Variants in ELOVL5 observed in about 807,000 individuals in gnomAD.
ELOVL5 encodes very long chain fatty acid elongase 5.
ELOVL5 carries 8 observed loss-of-function variants against 38.6 expected under a neutral mutation model. The observed-to-expected ratio is 0.21, with a 90% CI of 0.12 to 0.37. The LOEUF is 0.37. Ranked by LOEUF, ELOVL5 falls within the 10% of genes least tolerant of loss-of-function variation. The pLI is 1.00. For synonymous variants in ELOVL5, 127 were observed against 133.7 expected (o/e 0.95, Z 0.34); for missense variants, 280 against 367.8 (o/e 0.76, Z 1.95).
intron 5 of ELOVL5, among the ~76,000 whole-genome samples, chr6:53,273,561 G>A (rs988626043): frequency 6.6e-6 from 1 of 152,206 alleles, no homozygotes; most frequent in African/African-American, 2.4e-5. Flanking sequence ...CGAGCCCAGG[G>A]GTCAGCTGTA....
intron 4 of ELOVL5, among the ~76,000 whole-genome samples, chr6:53,275,955 G>T (rs941281477): frequency 6.6e-6 from 1 of 152,142 alleles, no homozygotes; most frequent in Admixed American, 6.5e-5. Context: ...CCTGCCAATT[G>T]TTAACCGGAG....
At chr6:53,276,405 A>T (rs1766127708) in intron 3 of ELOVL5, 149 bp from the exon 4 acceptor site, 1 of 617,296 alleles carries the variant, frequency 1.6e-6, no homozygotes, top group African/African-American at 1.9e-5. Flanking sequence ...AGGCAAGTGT[A>T]AACAAAAGGA....
At chr6:53,286,784 A>G (rs1561868268) in intron 3 of ELOVL5, among the ~76,000 whole-genome samples, 2 of 152,192 alleles carry the variant, frequency 1.3e-5, no homozygotes, top group African/African-American at 4.8e-5. Flanking sequence ...CTATTTGAAA[A>G]AGAGTTTAAT....
At chr6:53,309,739 C>G (rs994785383) in intron 1 of ELOVL5, among the ~76,000 whole-genome samples, 2 of 152,178 alleles carry the variant, frequency 1.3e-5, no homozygotes, top group Non-Finnish European at 2.9e-5. Flanking sequence ...GGACCACTAG[C>G]TCTGGGGGAA....
At chr6:53,297,876 G>A (rs1183751267) in intron 1 of ELOVL5, among the ~76,000 whole-genome samples, 1 of 152,160 alleles carries the variant, frequency 6.6e-6, no homozygotes, top group African/African-American at 2.4e-5. Context: ...GGAGAGACAA[G>A]AAATTCTAGA....
At chr6:53,330,921 G>A (rs1375559871) in intron 1 of ELOVL5, among the ~76,000 whole-genome samples, 1 of 152,008 alleles carries the variant, frequency 6.6e-6, no homozygotes, top group Non-Finnish European at 1.5e-5. Flanking sequence ...TTGTCCCACT[G>A]GAAGGCCTTC....
intron 1 of ELOVL5, among the ~76,000 whole-genome samples, chr6:53,323,348 G>C (rs1009301905): frequency 6.6e-6 from 1 of 152,126 alleles, no homozygotes; most frequent in Non-Finnish European, 1.5e-5. Flanking sequence ...ACGTTTATGT[G>C]ACACTTAATT....
chr6:53,287,885 G>A lies in ELOVL5; in HGVS notation c.246+3891C>T, dbSNP rs150583340. ...ACCCTGTTTTCTGGCAGCTGCTGCT[G>A]AGTCGAAGGATCAGTTCGTGAGGCA... On this transcript the variant is annotated intron_variant, in intron 3 of 7. Coordinates refer to ENST00000304434, the MANE Select transcript of ELOVL5 (RefSeq NM_021814.5). 16,798 of 1,535,682 alleles carry A rather than the reference G, an allele frequency of 0.011. 115 individuals are homozygous for A. Among genetic ancestry groups the A allele is most frequent in the Non-Finnish European group, 0.013 (15,136 of 1,146,872 alleles).
chr6:53,284,651 G>A (rs1766495256), intron 3 of ELOVL5, among the ~76,000 whole-genome samples: 2 of 152,076 alleles, frequency 1.3e-5, no homozygotes, highest in Admixed American at 1.3e-4. Context: ...TATATTACAG[G>A]TTTTCTTAAC....
chr6:53,299,957 A>G (rs1319491204), intron 1 of ELOVL5, among the ~76,000 whole-genome samples: 1 of 152,186 alleles, frequency 6.6e-6, no homozygotes, highest in Non-Finnish European at 1.5e-5. Context: ...CATGTGGGGA[A>G]ATGATAATAA....
At chr6:53,278,669 G>C (rs568415627) in intron 3 of ELOVL5, among the ~76,000 whole-genome samples, 4 of 152,042 alleles carry the variant, frequency 2.6e-5, no homozygotes, top group Non-Finnish European at 5.9e-5. Flanking sequence ...CACACAAGAA[G>C]CTGCTCACTC....
chr6:53,270,921 A>G (rs1765895862), intron 6 of ELOVL5, among the ~76,000 whole-genome samples, 194 bp from the exon 7 acceptor site: 3 of 152,218 alleles, frequency 2.0e-5, no homozygotes, highest in African/African-American at 7.2e-5. Flanking sequence ...TTTGTCTTAT[A>G]TATATTCTTC....
chr6:53,316,379 G>A (rs1768042791), intron 1 of ELOVL5, among the ~76,000 whole-genome samples: 1 of 152,172 alleles, frequency 6.6e-6, no homozygotes, highest in African/African-American at 2.4e-5. Flanking sequence ...AATTCTGTAT[G>A]GGGACCAGTG....
intron 1 of ELOVL5, among the ~76,000 whole-genome samples, chr6:53,326,022 T>C (rs1201742972): frequency 6.6e-6 from 1 of 152,036 alleles, no homozygotes; most frequent in Non-Finnish European, 1.5e-5. Flanking sequence ...CTTTGCAGGG[T>C]GGAAGGCCTA....
chr6:53,277,197 A>C (rs946788053), intron 3 of ELOVL5: 1 of 153,554 alleles, frequency 6.5e-6, no homozygotes, highest in Non-Finnish European at 1.5e-5. Flanking sequence ...TGATATTTCC[A>C]CCTGGTCTGA....
chr6:53,287,007 TATC>T (rs1231930381), intron 3 of ELOVL5, among the ~76,000 whole-genome samples: 4 of 152,196 alleles, frequency 2.6e-5, no homozygotes, highest in African/African-American at 9.7e-5. Flanking sequence ...GGTGCACAGA[TATC>T]ATCTATATAA....
In ELOVL5 at chr6:53,297,611, C is replaced by T. The variant is rs147463111; in HGVS notation, c.-8-1904G>A. Among the ~76,000 whole-genome samples, 585 of 151,890 alleles carry T rather than the reference C, an allele frequency of 3.9e-3. 2 individuals are homozygous for T. The highest frequency in any genetic ancestry group is 0.012 in the African/African-American group (517 of 41,370). On this transcript the variant is annotated intron_variant, in intron 1 of 7. Transcript: ENST00000304434. ...ATAACTTTTACTTTACTTAATTGTT[C>T]GATTTAATTATTAGTTATTGTTGTT... is the stretch of plus-strand genomic sequence containing the variant.
intron 1 of ELOVL5, among the ~76,000 whole-genome samples, chr6:53,334,967 A>AT (rs747732997): frequency 9.3e-4 from 141 of 152,312 alleles, no homozygotes; most frequent in East Asian, 9.7e-4. Flanking sequence ...TAGAGAAATG[A>AT]TATCTGGTGC....
At chr6:53,289,905 T>C (rs536083693) in intron 3 of ELOVL5, among the ~76,000 whole-genome samples, 2 of 152,370 alleles carry the variant, frequency 1.3e-5, no homozygotes, top group Admixed American at 6.5e-5. Flanking sequence ...CTGACCTGGA[T>C]AGCTTTTTGT....
Sources: allele counts gnomAD v4.1 joint callset (sites outside exome capture counted in the v4.1 genomes callset), GRCh38; gene constraint gnomAD v4.1.1; transcripts MANE v1.5; gene names NCBI Gene and HGNC (gene_info 2026-07-23, HGNC 2026-07-21).